SLC25A12: variants seen among roughly 807,000 people sequenced by gnomAD.
SLC25A12 encodes solute carrier family 25 member 12, also known as electrogenic aspartate/glutamate antiporter SLC25A12, mitochondrial.
Under a neutral mutation model 83.3 loss-of-function variants are expected in SLC25A12, and 32 were observed. That is an observed-to-expected ratio of 0.38 (90% CI 0.29 to 0.52). The LOEUF is 0.52. SLC25A12 is among the 20% of genes least tolerant of loss of function. SLC25A12 has a pLI of 0.84. For missense variants in SLC25A12, 611 were observed against 835.6 expected (o/e 0.73, Z 3.31); for synonymous variants, 267 against 291.1 (o/e 0.92, Z 0.84).
intron 4 of SLC25A12, among the ~76,000 whole-genome samples, chr2:171,848,612 C>G (rs1030009195): frequency 2.0e-5 from 3 of 151,858 alleles, no homozygotes; most frequent in Admixed American, 1.3e-4. Flanking sequence ...AACTGGGAAG[C>G]CAAAAAAGAA....
intron 5 of SLC25A12, among the ~76,000 whole-genome samples, chr2:171,842,785 C>G (rs557726843): frequency 5.3e-5 from 8 of 152,240 alleles, no homozygotes; most frequent in Middle Eastern, 3.4e-3. Context: ...ATATAAGACA[C>G]TGTGAACGTA....
At position 171,815,166 on chromosome 2, in the gene SLC25A12, T is replaced by C; in HGVS notation, c.967A>G (p.Ile323Val). ...PGLGRPIWLQ[I>V]AESAYRFTLG... ...GTGAATCTGTAAGCAGACTCGGCAA[T>C]CTGGAGCCAGATAGGCCTGCCTAAC... Residue 323 changes from isoleucine to valine, a missense_variant, in exon 10 of 18, where the codon ATT (isoleucine) becomes GTT (valine). Ile to Val is a conservative substitution (Grantham distance 29, BLOSUM62 3). This residue lies in a region of SLC25A12 where 540 missense variants were observed against 777.5 expected (regional missense o/e 0.69). Transcript: ENST00000422440. 28 of 1,613,704 alleles carry C rather than the reference T, an allele frequency of 1.7e-5. No individual in the cohort carries two copies. Among genetic ancestry groups the C allele is most frequent in the Non-Finnish European group, 2.4e-5 (28 of 1,179,832 alleles).
intron 9 of SLC25A12, among the ~76,000 whole-genome samples, chr2:171,818,159 C>T (rs939876821): frequency 2.0e-5 from 3 of 152,062 alleles, no homozygotes; most frequent in African/African-American, 7.2e-5. Context: ...AAATGAAATG[C>T]TACCGCTGTC....
intron 4 of SLC25A12, among the ~76,000 whole-genome samples, chr2:171,853,739 A>ATATATAACTT (rs1684987754): frequency 6.6e-6 from 1 of 152,196 alleles, no homozygotes; most frequent in Non-Finnish European, 1.5e-5. Context: ...TACATTAAAT[A>ATATATAACTT]AGGCATATAT....
chr2:171,797,858 T>C (rs1014850782), intron 13 of SLC25A12, among the ~76,000 whole-genome samples: 1 of 152,228 alleles, frequency 6.6e-6, no homozygotes, highest in African/African-American at 2.4e-5. Flanking sequence ...GGCATCTTGC[T>C]GCTTCTGTTA....
chr2:171,791,447 T>C lies in SLC25A12; in HGVS notation c.1585+4A>G, dbSNP rs1397582814. On this transcript the variant is annotated splice_donor_region_variant and intron_variant, in intron 15 of 17. Transcript: ENST00000422440. ...CTTTCAGTTAAAAAAAAATTTGTAG[T>C]TACCTGCCATGGCTCCAGCTGCAAG... 22 of 1,613,716 alleles carry C rather than the reference T, an allele frequency of 1.4e-5. No individual in the cohort carries two copies. The highest frequency in any genetic ancestry group is 1.8e-5 in the Non-Finnish European group (21 of 1,179,722).
intron 12 of SLC25A12, among the ~76,000 whole-genome samples, chr2:171,809,988 C>A (rs1683916946): frequency 6.6e-6 from 1 of 152,150 alleles, no homozygotes. Flanking sequence ...ACATCAGCCT[C>A]CTGGCATAAA....
rs560612284 is a variant in SLC25A12, at chr2:171,854,561, C to T, written c.325+1273G>A. Among the ~76,000 whole-genome samples, 5 of 151,288 alleles carry T rather than the reference C, an allele frequency of 3.3e-5. 1 individual carries two copies. The highest frequency in any genetic ancestry group is 1.2e-4 in the African/African-American group (5 of 41,252). Reference sequence around the variant, plus strand: ...CAGTCTGGGCGACAGAGCAAGACTCCGTCTCAAAAAAAAACAAAACAAAAA... The same window carrying T: ...CAGTCTGGGCGACAGAGCAAGACTCTGTCTCAAAAAAAAACAAAACAAAAA... On this transcript the variant is annotated intron_variant, in intron 4 of 17. Coordinates refer to ENST00000422440, the MANE Select transcript of SLC25A12 (RefSeq NM_003705.5).
In SLC25A12 at chr2:171,860,264, T is replaced by C. The variant is rs556827303; in HGVS notation, c.210-4315A>G. Reference sequence around the variant, plus strand: ...TTTTGAGATTTACGTTTTCTTACTATGTGCGAGTCCTACATTTAAAGAAAA... The same window carrying C: ...TTTTGAGATTTACGTTTTCTTACTACGTGCGAGTCCTACATTTAAAGAAAA... On this transcript the variant is annotated intron_variant, in intron 3 of 17. Transcript: ENST00000422440. Among the ~76,000 whole-genome samples the C allele has an allele frequency of 3.3e-5, 5 of 152,312 alleles. No individual in the cohort carries two copies. In the South Asian group the frequency reaches 8.3e-4, roughly 25 times the overall value.
intron 9 of SLC25A12, among the ~76,000 whole-genome samples, chr2:171,823,750 G>C (rs1272531875): frequency 6.6e-6 from 1 of 152,138 alleles, no homozygotes; most frequent in Non-Finnish European, 1.5e-5. Context: ...TGTAAGCTTA[G>C]GAGTTTGAGA....
chr2:171,874,730 C>T (rs4027460), intron 2 of SLC25A12, among the ~76,000 whole-genome samples: 1,772 of 152,214 alleles, frequency 0.012, 17 homozygotes, highest in Middle Eastern at 0.054. Context: ...TCCTTTGCAA[C>T]AATGTGGATG....
chr2:171,840,554 A>T (rs988426005), intron 5 of SLC25A12, among the ~76,000 whole-genome samples: 4 of 152,150 alleles, frequency 2.6e-5, no homozygotes, highest in African/African-American at 7.2e-5. Context: ...TCCATGAAAC[A>T]AGAACAGTAT....
intron 2 of SLC25A12, among the ~76,000 whole-genome samples, chr2:171,892,083 TCA>T (rs1361836816): frequency 1.3e-5 from 2 of 152,232 alleles, no homozygotes; most frequent in African/African-American, 2.4e-5. Flanking sequence ...ACCTCTCATT[TCA>T]CAGAGGAAAA....
At chr2:171,890,682 T>G (rs556540397) in intron 2 of SLC25A12, among the ~76,000 whole-genome samples, 1 of 152,296 alleles carries the variant, frequency 6.6e-6, no homozygotes, top group East Asian at 1.9e-4. Context: ...GAGGTCTCAC[T>G]ATATTGCTCA....
chr2:171,823,342 T>C (rs1193199580), intron 9 of SLC25A12, among the ~76,000 whole-genome samples: 2 of 152,192 alleles, frequency 1.3e-5, no homozygotes, highest in South Asian at 2.1e-4. Flanking sequence ...ATGCAGGAGC[T>C]TGAAGGCTTC....
At chr2:171,845,226 G>A (rs560647095) in intron 4 of SLC25A12, among the ~76,000 whole-genome samples, 50 of 152,242 alleles carry the variant, frequency 3.3e-4, no homozygotes, top group South Asian at 1.4e-3. Flanking sequence ...GTCACACTGT[G>A]TAACATACAA....
intron 2 of SLC25A12, among the ~76,000 whole-genome samples, chr2:171,883,091 A>G (rs958422946): frequency 6.6e-6 from 1 of 152,236 alleles, no homozygotes; most frequent in African/African-American, 2.4e-5. Flanking sequence ...TTATATGTAC[A>G]TAATCATAAA....
chr2:171,887,631 T>C (rs1558946576), intron 2 of SLC25A12, among the ~76,000 whole-genome samples: 2 of 152,218 alleles, frequency 1.3e-5, no homozygotes, highest in Non-Finnish European at 2.9e-5. Context: ...TTGTCTCCTT[T>C]TGCTACTGTA....
intron 2 of SLC25A12, among the ~76,000 whole-genome samples, chr2:171,885,565 A>G (rs1411392486): frequency 1.3e-5 from 2 of 151,514 alleles, no homozygotes; most frequent in East Asian, 2.0e-4. Flanking sequence ...CCAGCTACTC[A>G]GGAAGCTGAG....
Sources: gnomAD v4.1 joint callset for allele counts (sites outside exome capture counted in the v4.1 genomes callset) on GRCh38, gnomAD v4.1.1 for gene constraint, gnomAD v4.1.1 regional missense constraint, MANE v1.5 for transcripts, NCBI Gene and HGNC (gene_info 2026-07-23, HGNC 2026-07-21) for gene names.